IQCK: variants seen among roughly 807,000 people sequenced by gnomAD.
IQCK encodes the protein IQ motif containing K, also known as IQ domain-containing protein K.
A neutral mutation model predicts 28.1 loss-of-function variants in IQCK; 29 were observed. The ratio of observed to expected loss-of-function variants is 1.03; its 90% CI spans 0.77 to 1.41. The LOEUF is 1.41. Ranked by LOEUF, IQCK falls within the 40% of genes most tolerant of loss-of-function variation. The pLI, the probability that IQCK is intolerant of heterozygous loss-of-function variation, is 0.00. For missense variants in IQCK, 359 were observed against 314.7 expected (o/e 1.14, Z -1.07); for synonymous variants, 113 against 115.1 (o/e 0.98, Z 0.12).
chr16:19,769,425 GC>G lies in IQCK; in HGVS notation c.605+5316del, dbSNP rs139564560. On this transcript the variant is annotated intron_variant, in intron 6 of 7. Transcript: ENST00000564186. ...CAGCTACAAATGGGATCGTGAACAA[GC>G]CCAACCTATAGTAACATGTGGCTTA... 3.2e-4 allele frequency among the ~76,000 whole-genome samples: 49 copies of G among 152,330 alleles called. No homozygotes were observed. The East Asian group carries it at 9.3e-3, about 29-fold the overall frequency.
downstream of IQCK, chr16:19,827,324 A>G: frequency 1.7e-6 from 1 of 590,240 alleles, no homozygotes; most frequent in South Asian, 2.2e-5. Flanking sequence ...GATATAATTT[A>G]CAGGGCCATT....
intron 6 of IQCK, among the ~76,000 whole-genome samples, chr16:19,782,437 T>C (rs1023074912): frequency 6.6e-6 from 1 of 151,300 alleles, no homozygotes; most frequent in Non-Finnish European, 1.5e-5. Flanking sequence ...CTGGGCAACA[T>C]AGTGAGACCC....
intron 9 of IQCK, among the ~76,000 whole-genome samples, chr16:19,855,461 C>T (rs561066684): frequency 6.6e-6 from 1 of 152,246 alleles, no homozygotes; most frequent in South Asian, 2.1e-4. Context: ...CGTGGTGGTG[C>T]ACGCCTGTAG....
intron 9 of IQCK, among the ~76,000 whole-genome samples, chr16:19,853,673 C>G (rs1399823096): frequency 6.6e-6 from 1 of 152,162 alleles, no homozygotes; most frequent in African/African-American, 2.4e-5. Flanking sequence ...GCTCTGCCAC[C>G]CAGGCTGGAG....
At chr16:19,728,291 C>T (rs1977722419) in intron 1 of IQCK, among the ~76,000 whole-genome samples, 1 of 152,100 alleles carries the variant, frequency 6.6e-6, no homozygotes, top group African/African-American at 2.4e-5. Flanking sequence ...CTCTGTCACC[C>T]AGGCTGGAGT....
intron 4 of IQCK, among the ~76,000 whole-genome samples, chr16:19,739,260 C>G (rs2054799698): frequency 6.6e-6 from 1 of 152,168 alleles, no homozygotes; most frequent in South Asian, 2.1e-4. Context: ...CTGGTGAATT[C>G]AAATCTGGGG....
intron 7 of IQCK, among the ~76,000 whole-genome samples, chr16:19,819,211 G>T (rs2056030669): frequency 6.6e-6 from 1 of 152,152 alleles, no homozygotes; most frequent in Non-Finnish European, 1.5e-5. Context: ...TTCCACAGGG[G>T]GCTGGGTGTG....
At chr16:19,728,645 A>T (rs547537201) in intron 1 of IQCK, among the ~76,000 whole-genome samples, 3 of 152,348 alleles carry the variant, frequency 2.0e-5, no homozygotes, top group East Asian at 3.9e-4. Context: ...GCTTTGGCTG[A>T]TACCTTGAAT....
chr16:19,833,246 A>G (rs2056254914), intron 9 of IQCK, among the ~76,000 whole-genome samples: 1 of 152,228 alleles, frequency 6.6e-6, no homozygotes, highest in Admixed American at 6.5e-5. Context: ...TTTGACCAAC[A>G]TAGAAGTTTC....
At chr16:19,720,731 A>T (rs1430190354) in intron 1 of IQCK, among the ~76,000 whole-genome samples, 1 of 152,148 alleles carries the variant, frequency 6.6e-6, no homozygotes, top group Admixed American at 6.6e-5. Flanking sequence ...GAGTTACAGA[A>T]TGAGGTCAGG....
chr16:19,852,890 G>C (rs890518210), intron 9 of IQCK, among the ~76,000 whole-genome samples: 9 of 152,160 alleles, frequency 5.9e-5, no homozygotes, highest in African/African-American at 2.2e-4. Context: ...CCAATGTGCT[G>C]GGATTACAGG....
intron 2 of IQCK, among the ~76,000 whole-genome samples, chr16:19,732,020 G>A (rs1028672125): frequency 6.6e-6 from 1 of 152,184 alleles, no homozygotes; most frequent in African/African-American, 2.4e-5. Context: ...CTGGAGTTCT[G>A]AGGTCCAAGG....
chr16:19,747,083 G>A (rs1044504332), intron 4 of IQCK, among the ~76,000 whole-genome samples: 4 of 152,212 alleles, frequency 2.6e-5, no homozygotes, highest in Non-Finnish European at 4.4e-5. Flanking sequence ...TTCAAGACCA[G>A]CTTGGGCAAC....
chr16:19,757,537 G>C (rs1280502401), intron 4 of IQCK, among the ~76,000 whole-genome samples: 2 of 152,152 alleles, frequency 1.3e-5, no homozygotes, highest in African/African-American at 4.8e-5. Flanking sequence ...GCCAGGCCAT[G>C]GTAATTCTAT....
chr16:19,740,616 T>G (rs1417132208), intron 4 of IQCK, among the ~76,000 whole-genome samples: 2 of 152,138 alleles, frequency 1.3e-5, no homozygotes, highest in Non-Finnish European at 1.5e-5. Context: ...GAACAAAGGA[T>G]GGAATATAAT....
At position 19,718,401 on chromosome 16, in the gene IQCK, T is replaced by G. The variant is rs575422360; in HGVS notation, c.95T>G (p.Val32Gly). The G allele has an allele frequency of 3.7e-6, 6 of 1,606,192 alleles. No individual in the cohort carries two copies. In the South Asian group the frequency reaches 6.7e-5, roughly 18 times the overall value. Residue 32 changes from valine (V) to glycine (G), a missense_variant, in exon 1 of 8, where the codon GTG becomes GGG. By Grantham distance (109) the Val-to-Gly change is moderately radical (BLOSUM62 -3). Transcript: ENST00000564186. ...TTCACCCGGACGCCGGTGCCCACCG[T>G]GTCTCTCGCGTCCCGCGAGCTGCCT...
At chr16:19,840,327 G>T (rs1344601018) in intron 9 of IQCK, among the ~76,000 whole-genome samples, 3 of 152,120 alleles carry the variant, frequency 2.0e-5, no homozygotes, top group Non-Finnish European at 4.4e-5. Flanking sequence ...TTGCACTCCA[G>T]CCTGGGCGAC....
At chr16:19,724,406 A>T (rs1032071463) in intron 1 of IQCK, among the ~76,000 whole-genome samples, 1 of 151,648 alleles carries the variant, frequency 6.6e-6, no homozygotes, top group Non-Finnish European at 1.5e-5. Context: ...GCCTGGTACA[A>T]CCTCCCACTA....
Position 19,802,735 on chromosome 16 carries a change from A to G in IQCK, c.690+13813A>G, listed in dbSNP as rs1448838247. On this transcript the variant is annotated intron_variant, in intron 7 of 7. Transcript: ENST00000564186. ...ACTTTTGCCTTTTCCAGCATGTTAC[A>G]TAAATGGAGTCATACATCATGTAGC... Among the ~76,000 whole-genome samples the G allele has an allele frequency of 9.2e-5, 14 of 152,262 alleles. No individual in the cohort carries two copies. In the East Asian group the frequency reaches 2.5e-3, roughly 27 times the overall value.
Sources: gnomAD v4.1 joint callset for allele counts (sites outside exome capture counted in the v4.1 genomes callset) on GRCh38, gnomAD v4.1.1 for gene constraint, MANE v1.5 for transcripts, NCBI Gene and HGNC (gene_info 2026-07-23, HGNC 2026-07-21) for gene names.